The following APBB2 variants were observed in gnomAD, a reference collection of about 807,000 sequenced individuals.
APBB2 encodes the protein amyloid beta precursor protein binding family B member 2.
A neutral mutation model predicts 82.5 loss-of-function variants in APBB2; 38 were observed. The observed-to-expected ratio is 0.46, with a 90% CI of 0.36 to 0.60. The LOEUF is 0.60. Ranked by LOEUF, APBB2 falls within the 20% of genes least tolerant of loss-of-function variation. APBB2 has a pLI of 0.00. For missense variants in APBB2, 772 were observed against 972.3 expected, an observed-to-expected ratio of 0.79 and a Z score of 2.74; for synonymous variants, 341 against 368.2, an observed-to-expected ratio of 0.93 and a Z score of 0.85.
At chr4:41,074,734 C>T (rs1428775913) in intron 3 of APBB2, among the ~76,000 whole-genome samples, 1 of 151,748 alleles carries the variant, frequency 6.6e-6, no homozygotes, top group Non-Finnish European at 1.5e-5. Flanking sequence ...CTCAGCCTCC[C>T]GAGTAGCTGG....
chr4:41,157,129 TAA>T (rs1379647409), intron 1 of APBB2, among the ~76,000 whole-genome samples: 1 of 134,548 alleles, frequency 7.4e-6, no homozygotes, highest in African/African-American at 2.6e-5. Context: ...GGATTAGGGA[TAA>T]AGTGTTTTAA....
intron 10 of APBB2, among the ~76,000 whole-genome samples, chr4:40,897,137 C>T (rs963017260): frequency 6.6e-6 from 1 of 152,210 alleles, no homozygotes; most frequent in Admixed American, 6.5e-5. Flanking sequence ...TCTAACAGCT[C>T]ACTGAACACC....
intron 12 of APBB2, among the ~76,000 whole-genome samples, chr4:40,883,002 C>A (rs926665619): frequency 6.6e-6 from 1 of 152,050 alleles, no homozygotes; most frequent in Non-Finnish European, 1.5e-5. Context: ...AACTTGGAGA[C>A]AAGTCACTTG....
At chr4:40,940,377 A>G (rs1427695148) in intron 7 of APBB2, among the ~76,000 whole-genome samples, 1 of 152,160 alleles carries the variant, frequency 6.6e-6, no homozygotes, top group East Asian at 1.9e-4. Context: ...GCCCCATCCC[A>G]TTCTGTGATC....
At chr4:40,884,356 A>G (rs1052360507) in intron 12 of APBB2, among the ~76,000 whole-genome samples, 15 of 152,242 alleles carry the variant, frequency 9.9e-5, no homozygotes, top group African/African-American at 3.6e-4. Flanking sequence ...ATTAATCCCA[A>G]TATTCCTCAG....
chr4:41,151,029 T>C (rs1580432331), intron 1 of APBB2, among the ~76,000 whole-genome samples: 2 of 152,178 alleles, frequency 1.3e-5, no homozygotes, highest in African/African-American at 4.8e-5. Context: ...CCCAATCTAC[T>C]GCACCACAAC....
At chr4:41,033,584 TCACACACACACACA>T (rs71915197) in intron 4 of APBB2, among the ~76,000 whole-genome samples, 5 of 130,772 alleles carry the variant, frequency 3.8e-5, no homozygotes, top group African/African-American at 5.9e-5. Context: ...CTTTTTCTCA[TCACACACACACACA>T]CACACACACA....
intron 12 of APBB2, among the ~76,000 whole-genome samples, chr4:40,852,477 T>C (rs987562463): frequency 2.6e-5 from 4 of 152,182 alleles, no homozygotes; most frequent in Non-Finnish European, 4.4e-5. Flanking sequence ...TTTATTTTCA[T>C]GCCAGAACAA....
intron 12 of APBB2, chr4:40,881,537 T>TTTC (rs1768589702): frequency 4.3e-6 from 1 of 232,052 alleles, no homozygotes; most frequent in Admixed American, 7.4e-5. Flanking sequence ...TCTTTTTCTT[T>TTTC]TTTTTTTTTT....
chr4:40,896,545 TAAG>T (rs959646615), intron 10 of APBB2, among the ~76,000 whole-genome samples: 34 of 152,320 alleles, frequency 2.2e-4, no homozygotes, highest in African/African-American at 7.5e-4. Flanking sequence ...GAAAATAATA[TAAG>T]TAGTGAACTT....
chr4:40,991,129 T>A (rs1483526155), intron 6 of APBB2, among the ~76,000 whole-genome samples: 1 of 150,172 alleles, frequency 6.7e-6, no homozygotes, highest in African/African-American at 2.5e-5. Context: ...ACTACAGATG[T>A]GTGCCACTAC....
chr4:41,103,469 C>T (rs1440782277), intron 2 of APBB2, among the ~76,000 whole-genome samples: 1 of 152,034 alleles, frequency 6.6e-6, no homozygotes, highest in East Asian at 1.9e-4. Context: ...ATAAGTAATA[C>T]TCTTATAAAT....
chr4:40,850,137 A>G (rs566578922), intron 12 of APBB2, among the ~76,000 whole-genome samples: 1 of 152,322 alleles, frequency 6.6e-6, no homozygotes, highest in South Asian at 2.1e-4. Flanking sequence ...CCACTGCTGT[A>G]ACATCCTGCT....
At chr4:40,982,387 GAA>G (rs1799160486) in intron 6 of APBB2, among the ~76,000 whole-genome samples, 1 of 11,008 alleles carries the variant, frequency 9.1e-5, no homozygotes, top group Non-Finnish European at 2.1e-4. Flanking sequence ...AGGAAGGAAG[GAA>G]GGAAAGGAAA....
At chr4:41,034,235 A>G (rs1718224869) in intron 4 of APBB2, among the ~76,000 whole-genome samples, 1 of 138,160 alleles carries the variant, frequency 7.2e-6, no homozygotes, top group African/African-American at 2.4e-5. Context: ...CAGCTGGTTC[A>G]TTAGATGATA....
chr4:40,855,926 G>T (rs780576008), intron 12 of APBB2, among the ~76,000 whole-genome samples: 1 of 152,050 alleles, frequency 6.6e-6, no homozygotes, highest in Admixed American at 6.5e-5. Flanking sequence ...AACACATTCT[G>T]CTTCTAACTT....
chr4:41,019,643 G>A (rs1810939797), intron 5 of APBB2, among the ~76,000 whole-genome samples: 2 of 152,178 alleles, frequency 1.3e-5, no homozygotes, highest in Non-Finnish European at 2.9e-5. Context: ...CTGGGATCTG[G>A]CCTGGAGAAA....
intron 2 of APBB2, among the ~76,000 whole-genome samples, chr4:41,105,526 A>C (rs974716524): frequency 2.6e-5 from 4 of 152,186 alleles, no homozygotes; most frequent in Non-Finnish European, 5.9e-5. Flanking sequence ...GAAATTTTGA[A>C]ATTCCTGGCT....
At chr4:40,914,369 T>C (rs1779332060) in intron 10 of APBB2, among the ~76,000 whole-genome samples, 1 of 150,678 alleles carries the variant, frequency 6.6e-6, no homozygotes, top group Admixed American at 6.6e-5. Flanking sequence ...CGAGACTCCA[T>C]CTCAAAAAAA....
Sources: gnomAD v4.1 joint callset for allele counts (sites outside exome capture counted in the v4.1 genomes callset) on GRCh38, gnomAD v4.1.1 for gene constraint, MANE v1.5 for transcripts, NCBI Gene and HGNC (gene_info 2026-07-23, HGNC 2026-07-21) for gene names.